OCA2: variants seen among roughly 807,000 people sequenced by gnomAD.
OCA2 encodes P protein.
OCA2 carries 77 observed loss-of-function variants against 100.2 expected under a neutral mutation model. The ratio of observed to expected loss-of-function variants is 0.77; its 90% CI spans 0.64 to 0.93. OCA2 has a LOEUF of 0.93. Ranked by LOEUF, OCA2 falls within the 40% of genes least tolerant of loss-of-function variation. The probability of loss-of-function intolerance (pLI) is 0.00; values close to 1 mark genes in which losing one functional copy is unlikely to be tolerated. For missense variants in OCA2, 1,062 were observed against 1,089.1 expected (o/e 0.98, Z 0.35); for synonymous variants, 432 against 439.2 (o/e 0.98, Z 0.21).
intron 23 of OCA2, among the ~76,000 whole-genome samples, chr15:27,840,498 G>A (rs977279239): frequency 1.3e-5 from 2 of 152,002 alleles, no homozygotes; most frequent in Non-Finnish European, 2.9e-5. Context: ...TAATAAAAGT[G>A]TAATCCAGTA....
chr15:28,045,873 C>A (rs1032218966), intron 2 of OCA2, among the ~76,000 whole-genome samples: 1 of 152,172 alleles, frequency 6.6e-6, no homozygotes, highest in Non-Finnish European at 1.5e-5. Context: ...CCTAAAATAT[C>A]CTGGTGATAT....
At chr15:27,779,026 G>A (rs1237283510) in intron 23 of OCA2, among the ~76,000 whole-genome samples, 2 of 152,194 alleles carry the variant, frequency 1.3e-5, no homozygotes, top group African/African-American at 4.8e-5. Context: ...GCTCTAGAGA[G>A]ATGAGACAGA....
At chr15:27,787,461 G>A (rs1566963074) in intron 23 of OCA2, among the ~76,000 whole-genome samples, 1 of 151,960 alleles carries the variant, frequency 6.6e-6, no homozygotes, top group African/African-American at 2.4e-5. Flanking sequence ...AGTTCTCATA[G>A]GTTCTGTTTG....
At chr15:27,910,668 AAAC>A (rs1371937630) in intron 19 of OCA2, among the ~76,000 whole-genome samples, 2 of 152,152 alleles carry the variant, frequency 1.3e-5, no homozygotes, top group African/African-American at 2.4e-5. Context: ...TAAAAAAAAA[AAAC>A]ATACGGCTGG....
intron 23 of OCA2, among the ~76,000 whole-genome samples, chr15:27,830,436 T>A: frequency 6.6e-6 from 1 of 152,000 alleles, no homozygotes; most frequent in East Asian, 1.9e-4. Flanking sequence ...ATAAATAAAT[T>A]AAATACTTAA....
intron 23 of OCA2, among the ~76,000 whole-genome samples, chr15:27,824,606 A>C (rs191319869): frequency 0.11 from 3,059 of 26,708 alleles, 197 homozygotes; most frequent in Non-Finnish European, 0.12. Context: ...CTCTCTCTAT[A>C]TATATATATA....
intron 9 of OCA2, among the ~76,000 whole-genome samples, chr15:28,009,471 T>G (rs2042177690): frequency 6.6e-6 from 1 of 152,082 alleles, no homozygotes; most frequent in Non-Finnish European, 1.5e-5. Context: ...GCAGATCACT[T>G]GAGGCCAGGA....
intron 13 of OCA2, among the ~76,000 whole-genome samples, chr15:27,984,303 G>A (rs2041269796): frequency 6.6e-6 from 1 of 152,068 alleles, no homozygotes; most frequent in Admixed American, 6.6e-5. Flanking sequence ...AGTGGGCCCG[G>A]GCAGTGGTGC....
At chr15:27,965,090 C>T (rs575736034) in intron 15 of OCA2, among the ~76,000 whole-genome samples, 5 of 152,216 alleles carry the variant, frequency 3.3e-5, no homozygotes, top group African/African-American at 1.2e-4. Context: ...CAACAATTGT[C>T]CCAGGTCACT....
intron 2 of OCA2, among the ~76,000 whole-genome samples, chr15:28,066,380 C>T (rs1180196680): frequency 6.6e-6 from 1 of 152,044 alleles, no homozygotes; most frequent in Non-Finnish European, 1.5e-5. Flanking sequence ...TTCAAAGAAA[C>T]CTAAACGATC....
At chr15:27,978,976 C>T (rs2041058794) in intron 14 of OCA2, among the ~76,000 whole-genome samples, 1 of 152,148 alleles carries the variant, frequency 6.6e-6, no homozygotes, top group African/African-American at 2.4e-5. Context: ...CATGAGCCAC[C>T]GCGCCTGGCC....
At position 27,896,546 on chromosome 15, in the gene OCA2, C is replaced by T. The variant is rs963615628; in HGVS notation, c.2080-24624G>A. On this transcript the variant is annotated intron_variant, in intron 19 of 23. Transcript: ENST00000354638. ...ATTGAGTAGCTCAAAAGAATGCAAGCTTCCTCAGAGCTCAGAAGTGGGCTT... is the reference window on the plus strand; with the variant it reads ...ATTGAGTAGCTCAAAAGAATGCAAGTTTCCTCAGAGCTCAGAAGTGGGCTT... 7.1e-6 allele frequency: 3 copies of T among 422,198 alleles called. No individual in the cohort carries two copies. The East Asian group carries it at 1.3e-4, about 19-fold the overall frequency. The allele number at this position is 422,198 out of a possible 1,614,324, so 26.2% of individuals were successfully genotyped here. A position where few individuals can be genotyped will look rare whatever the true frequency, so the allele number is the denominator to read the frequency against.
chr15:27,760,301 C>T (rs915380052), intron 23 of OCA2, among the ~76,000 whole-genome samples: 2 of 151,740 alleles, frequency 1.3e-5, no homozygotes, highest in African/African-American at 4.8e-5. Flanking sequence ...AAAACTACAG[C>T]TAACATGTCA....
chr15:27,983,882 C>T (rs1280469634), intron 13 of OCA2, among the ~76,000 whole-genome samples: 2 of 151,824 alleles, frequency 1.3e-5, no homozygotes, highest in African/African-American at 4.8e-5. Flanking sequence ...TTTCCCACCT[C>T]CCCCTTCCTG....
Position 28,014,939 on chromosome 15 carries a change from G to T in OCA2, c.891-10C>A, listed in dbSNP as rs1244128314. 6.2e-7 allele frequency: 1 copy of T among 1,614,026 alleles called. No individual in the cohort carries two copies. Among genetic ancestry groups the T allele is most frequent in the South Asian group, 1.1e-5 (1 of 91,034 alleles). ...GATGGACACCGTCTCTCTGCAGAACGAAACAACGACCTTACTGTTCACAAG... is the reference window on the plus strand; with the variant it reads ...GATGGACACCGTCTCTCTGCAGAACTAAACAACGACCTTACTGTTCACAAG... On this transcript the variant is annotated splice_polypyrimidine_tract_variant and intron_variant, in intron 8 of 23. Transcript: ENST00000354638.
At chr15:28,097,499 G>A (rs2045008273) in intron 1 of OCA2, among the ~76,000 whole-genome samples, 1 of 152,158 alleles carries the variant, frequency 6.6e-6, no homozygotes, top group African/African-American at 2.4e-5. Flanking sequence ...CAGGCTCTGG[G>A]CTTTCCTCCC....
At chr15:27,933,116 A>G (rs2039316253) in intron 18 of OCA2, among the ~76,000 whole-genome samples, 1 of 152,248 alleles carries the variant, frequency 6.6e-6, no homozygotes, top group African/African-American at 2.4e-5. Context: ...GAAACTGGAT[A>G]TCTGCATGCA....
At chr15:27,919,222 G>T (rs1333566932) in intron 19 of OCA2, among the ~76,000 whole-genome samples, 2 of 152,104 alleles carry the variant, frequency 1.3e-5, no homozygotes, top group African/African-American at 4.8e-5. Flanking sequence ...TCAGCAACTT[G>T]GGAGTGCTCT....
In OCA2 at chr15:27,985,038, T is replaced by C. The variant is rs1800410; in HGVS notation, c.1364+26A>G. ...CTGCCTGCCAGAACCTGGCCGCAAC[T>C]CCCACGGCAGAGGTGCTTTGCGTAC... On this transcript the variant is annotated intron_variant, in intron 13 of 23. Coordinates refer to ENST00000354638, the MANE Select transcript of OCA2 (RefSeq NM_000275.3). 0.17 allele frequency: 266,458 copies of C among 1,612,654 alleles called. 37,406 individuals are homozygous for C. The highest frequency in any genetic ancestry group is 0.88 in the East Asian group (39,234 of 44,748).
Sources: allele counts gnomAD v4.1 joint callset (sites outside exome capture counted in the v4.1 genomes callset), GRCh38; gene constraint gnomAD v4.1.1; transcripts MANE v1.5; gene names NCBI Gene and HGNC (gene_info 2026-07-23, HGNC 2026-07-21).